The following MAMDC2 variants were observed in gnomAD, a reference collection of about 807,000 sequenced individuals.
MAMDC2 encodes MAM domain containing 2.
A neutral mutation model predicts 89.8 loss-of-function variants in MAMDC2; 57 were observed. The observed-to-expected ratio is 0.63, with a 90% CI of 0.51 to 0.79. The LOEUF (loss-of-function observed/expected upper bound fraction) is 0.79. Ranked by LOEUF, MAMDC2 falls within the 30% of genes least tolerant of loss-of-function variation. The pLI is 0.00. For synonymous variants in MAMDC2, 313 were observed against 293.4 expected (o/e 1.07, Z -0.68); for missense variants, 800 against 820.6 (o/e 0.97, Z 0.31).
At chr9:70,052,065 T>C (rs1028250244) in intron 2 of MAMDC2, among the ~76,000 whole-genome samples, 42 of 152,178 alleles carry the variant, frequency 2.8e-4, no homozygotes, top group Non-Finnish European at 8.8e-5. Flanking sequence ...TGTCCAGAAA[T>C]GGGACCAGAC....
intron 11 of MAMDC2, among the ~76,000 whole-genome samples, chr9:70,191,075 A>T (rs2032867899): frequency 6.6e-6 from 1 of 152,126 alleles, no homozygotes; most frequent in Non-Finnish European, 1.5e-5. Flanking sequence ...TCTTAGCAAA[A>T]TTCAGTCATT....
chr9:70,044,707 C>T lies in MAMDC2; in HGVS notation c.148+10C>T. ...ATTTTAAATGAGGAAGGTAAGGAGGCTCGGTGGAGAGGGGCGCGAAGTGAA... is the reference window on the plus strand; with the variant it reads ...ATTTTAAATGAGGAAGGTAAGGAGGTTCGGTGGAGAGGGGCGCGAAGTGAA... On this transcript the variant is annotated intron_variant, in intron 2 of 13. Transcript: ENST00000377182. 1 of 1,542,714 alleles carries T rather than the reference C, an allele frequency of 6.5e-7. No individual in the cohort carries two copies. Among genetic ancestry groups the T allele is most frequent in the Non-Finnish European group, 8.8e-7 (1 of 1,139,000 alleles).
At chr9:70,166,242 C>CA (rs200676029) in intron 9 of MAMDC2, among the ~76,000 whole-genome samples, 13,730 of 129,532 alleles carry the variant, frequency 0.11, 1,353 homozygotes, top group African/African-American at 0.27. Context: ...ACTCCCATCT[C>CA]AAAAAAAAAA....
intron 2 of MAMDC2, among the ~76,000 whole-genome samples, chr9:70,075,736 A>T (rs1277296747): frequency 6.6e-6 from 1 of 152,204 alleles, no homozygotes; most frequent in African/African-American, 2.4e-5. Flanking sequence ...TTACATGTGT[A>T]TGAAATGTAC....
chr9:70,225,402 G>T (rs1327172486), intron 12 of MAMDC2, among the ~76,000 whole-genome samples: 1 of 152,100 alleles, frequency 6.6e-6, no homozygotes, highest in African/African-American at 2.4e-5. Flanking sequence ...CACAGACCCT[G>T]TGTGGGTGCT....
intron 2 of MAMDC2, among the ~76,000 whole-genome samples, chr9:70,104,864 T>C (rs1828293033): frequency 1.3e-5 from 2 of 152,196 alleles, no homozygotes; most frequent in Admixed American, 1.3e-4. Context: ...AATTAGATAG[T>C]GGTGATGGTG....
intron 2 of MAMDC2, among the ~76,000 whole-genome samples, chr9:70,068,995 G>A (rs2997674): frequency 0.85 from 129,526 of 152,190 alleles, 55,542 homozygotes; most frequent in Middle Eastern, 0.91. Flanking sequence ...TTATTCCAAT[G>A]AAAGAATGGT....
At chr9:70,052,540 C>T (rs1245053307) in intron 2 of MAMDC2, among the ~76,000 whole-genome samples, 1 of 152,170 alleles carries the variant, frequency 6.6e-6, no homozygotes, top group Non-Finnish European at 1.5e-5. Context: ...CCATGGCTCT[C>T]TGCACTTTCC....
chr9:70,046,976 A>G (rs1826769859), intron 2 of MAMDC2, among the ~76,000 whole-genome samples: 1 of 152,214 alleles, frequency 6.6e-6, no homozygotes, highest in African/African-American at 2.4e-5. Flanking sequence ...AGACATCGCT[A>G]AGAATTTCCC....
At chr9:70,173,159 C>T (rs1026922631) in intron 11 of MAMDC2, among the ~76,000 whole-genome samples, 1 of 152,070 alleles carries the variant, frequency 6.6e-6, no homozygotes, top group Non-Finnish European at 1.5e-5. Flanking sequence ...CCTGTCATGG[C>T]AACACAGTGG....
intron 2 of MAMDC2, chr9:70,086,282 C>T (rs1288966650): frequency 1.3e-5 from 2 of 152,148 alleles, no homozygotes; most frequent in Admixed American, 6.6e-5. Context: ...AAATTATCCT[C>T]CCATCCGATT....
At chr9:70,202,761 T>G (rs915338603) in intron 11 of MAMDC2, among the ~76,000 whole-genome samples, 8 of 151,646 alleles carry the variant, frequency 5.3e-5, no homozygotes, top group African/African-American at 1.2e-4. Context: ...CATATATATT[T>G]AGGATAGTTA....
At chr9:70,076,544 A>T (rs916994620) in intron 2 of MAMDC2, among the ~76,000 whole-genome samples, 1 of 152,136 alleles carries the variant, frequency 6.6e-6, no homozygotes, top group Non-Finnish European at 1.5e-5. Context: ...GTAAACCTAG[A>T]TTTGGAGTGT....
chr9:70,112,047 G>C (rs766659734), intron 4 of MAMDC2, among the ~76,000 whole-genome samples: 2 of 152,168 alleles, frequency 1.3e-5, no homozygotes, highest in Non-Finnish European at 2.9e-5. Context: ...ACCCTCCATT[G>C]GTCGAATCCA....
intron 7 of MAMDC2, among the ~76,000 whole-genome samples, chr9:70,138,598 T>C (rs1483170718): frequency 6.6e-6 from 1 of 152,202 alleles, no homozygotes; most frequent in Non-Finnish European, 1.5e-5. Context: ...ATAATAGCCA[T>C]TCTGACTAAG....
chr9:70,225,141 A>G (rs2033622864), intron 12 of MAMDC2, among the ~76,000 whole-genome samples: 1 of 152,184 alleles, frequency 6.6e-6, no homozygotes, highest in Non-Finnish European at 1.5e-5. Context: ...CTACAACCAC[A>G]ATATCTGATC....
chr9:70,054,214 G>A (rs1826976418), intron 2 of MAMDC2, among the ~76,000 whole-genome samples: 1 of 152,150 alleles, frequency 6.6e-6, no homozygotes, highest in Non-Finnish European at 1.5e-5. Flanking sequence ...TAGCAGAAAG[G>A]TAGTAGTTAA....
At chr9:70,131,433 T>C (rs954520846) in intron 6 of MAMDC2, 86 bp from the exon 7 acceptor site, 6 of 906,070 alleles carry the variant, frequency 6.6e-6, no homozygotes, top group East Asian at 2.6e-5. Context: ...TCTGGTTTGA[T>C]TGACATGTCA....
At chr9:70,210,230 T>C (rs893945474) in intron 11 of MAMDC2, among the ~76,000 whole-genome samples, 2 of 152,166 alleles carry the variant, frequency 1.3e-5, no homozygotes. Flanking sequence ...ATGTTGACAG[T>C]GGGGTGTTAA....
Sources: gnomAD v4.1 joint callset for allele counts (sites outside exome capture counted in the v4.1 genomes callset) on GRCh38, gnomAD v4.1.1 for gene constraint, MANE v1.5 for transcripts, NCBI Gene and HGNC (gene_info 2026-07-23, HGNC 2026-07-21) for gene names.